Variants in UBE2E3 observed in about 807,000 individuals in gnomAD.
The protein encoded by UBE2E3 is ubiquitin conjugating enzyme E2 E3.
UBE2E3 carries 5 observed loss-of-function variants against 23.6 expected under a neutral mutation model. That is an observed-to-expected ratio of 0.21 (90% confidence interval 0.11 to 0.44). UBE2E3 has a LOEUF of 0.44. Ranked by LOEUF, UBE2E3 falls within the 20% of genes least tolerant of loss-of-function variation. The probability of loss-of-function intolerance (pLI) is 0.99; values close to 1 mark genes in which losing one functional copy is unlikely to be tolerated. For synonymous variants in UBE2E3, 78 were observed against 87.5 expected, an observed-to-expected ratio of 0.89 and a Z score of 0.60; for missense variants, 81 against 249.8, an observed-to-expected ratio of 0.32 and a Z score of 4.55.
chr2:181,003,748 A>G (rs777005533), intron 3 of UBE2E3, among the ~76,000 whole-genome samples: 2 of 152,198 alleles, frequency 1.3e-5, no homozygotes, highest in Admixed American at 6.5e-5. Flanking sequence ...TTTTCCTTAT[A>G]TGATGAATTG....
chr2:180,987,540 T>C, intron 3 of UBE2E3: 1 of 960,066 alleles, frequency 1.0e-6, no homozygotes, highest in South Asian at 2.0e-5. Flanking sequence ...AGTTTCTTGA[T>C]GTGGGAAAGG....
intron 3 of UBE2E3, among the ~76,000 whole-genome samples, chr2:180,985,120 T>C (rs1356219646): frequency 6.6e-6 from 1 of 152,180 alleles, no homozygotes; most frequent in African/African-American, 2.4e-5. Context: ...GTATGTTAAC[T>C]GGATCCTCAG....
In UBE2E3 at chr2:181,041,234, C is replaced by CAAAAA. The variant is rs1206207155; in HGVS notation, c.246-16444_246-16440dup. ...CTAACGACAGAGCAAGACTCCGTCT[C>CAAAAA]AAAAAAAAAAAAAAAAAAAGATAGA... On this transcript the variant is annotated intron_variant, in intron 3 of 5. Coordinates refer to ENST00000410062, the MANE Select transcript of UBE2E3 (RefSeq NM_006357.4). 5.6e-4 allele frequency among the ~76,000 whole-genome samples: 43 copies of CAAAAA among 77,154 alleles called. 2 individuals carry two copies. Among genetic ancestry groups the CAAAAA allele is most frequent in the Non-Finnish European group, 7.6e-4 (32 of 41,974 alleles). 50.6% of individuals were successfully genotyped at this position (77,154 alleles called of 152,430 possible).
intron 3 of UBE2E3, among the ~76,000 whole-genome samples, chr2:181,008,455 A>C (rs1201517884): frequency 6.6e-6 from 1 of 152,226 alleles, no homozygotes; most frequent in African/African-American, 2.4e-5. Context: ...GCCACACTGC[A>C]CTAGTCTTGT....
At chr2:181,050,810 G>A (rs1686819802) in intron 3 of UBE2E3, among the ~76,000 whole-genome samples, 1 of 151,868 alleles carries the variant, frequency 6.6e-6, no homozygotes, top group Non-Finnish European at 1.5e-5. Context: ...AAAGCACCTG[G>A]CAAAGAGTGG....
At chr2:181,020,939 G>A (rs182826401) in intron 3 of UBE2E3, among the ~76,000 whole-genome samples, 5 of 152,202 alleles carry the variant, frequency 3.3e-5, no homozygotes, top group Admixed American at 3.3e-4. Flanking sequence ...TAGGAAAGGG[G>A]AATTTTTATC....
chr2:180,989,354 G>T (rs1237716701), intron 3 of UBE2E3, among the ~76,000 whole-genome samples: 1 of 152,048 alleles, frequency 6.6e-6, no homozygotes, highest in Non-Finnish European at 1.5e-5. Flanking sequence ...GCATGTGAAG[G>T]TCTGTTAATA....
At chr2:181,006,111 T>C (rs2105599779) in intron 3 of UBE2E3, among the ~76,000 whole-genome samples, 1 of 152,304 alleles carries the variant, frequency 6.6e-6, no homozygotes, top group African/African-American at 2.4e-5. Context: ...TTCCAGAGTC[T>C]CTTACTCTGA....
intron 3 of UBE2E3, among the ~76,000 whole-genome samples, chr2:181,038,046 A>G (rs1686354876): frequency 6.6e-6 from 1 of 152,236 alleles, no homozygotes; most frequent in African/African-American, 2.4e-5. Flanking sequence ...TAAATTTAGT[A>G]TAGCCTAAGT....
At position 181,063,029 on chromosome 2, in the gene UBE2E3, A is replaced by G; in HGVS notation, c.*141A>G. On this transcript the variant is annotated 3_prime_UTR_variant, in exon 6 of 6. Transcript: ENST00000410062. This position sits in a 1 kb window ranked among gnomAD's most constrained non-coding sequence, Gnocchi z 4.1. ...GCTTTTATCCTTTGGAGCCTGGGAGACTCCCCAAAAAGGTAAATGCTATCA... is the reference window on the plus strand; with the variant it reads ...GCTTTTATCCTTTGGAGCCTGGGAGGCTCCCCAAAAAGGTAAATGCTATCA... The G allele has an allele frequency of 2.3e-6, 1 of 432,236 alleles. No individual in the cohort carries two copies. The highest frequency in any genetic ancestry group is 4.2e-6 in the Non-Finnish European group (1 of 239,302). The allele number at this position is 432,236 out of a possible 1,614,324, so 26.8% of individuals were successfully genotyped here.
At chr2:180,991,569 C>A (rs563877003) in intron 3 of UBE2E3, among the ~76,000 whole-genome samples, 1 of 152,236 alleles carries the variant, frequency 6.6e-6, no homozygotes, top group South Asian at 2.1e-4. Flanking sequence ...CTTGGGCCAC[C>A]TGGTGGCCAG....
intron 3 of UBE2E3, among the ~76,000 whole-genome samples, chr2:181,051,133 A>G (rs1350773618): frequency 2.6e-5 from 4 of 151,886 alleles, no homozygotes; most frequent in Non-Finnish European, 4.4e-5. Flanking sequence ...GTATGTATGC[A>G]TTCATAAACA....
chr2:181,011,388 C>CA (rs1346020253), intron 3 of UBE2E3, among the ~76,000 whole-genome samples: 1 of 151,966 alleles, frequency 6.6e-6, no homozygotes, highest in African/African-American at 2.4e-5. Flanking sequence ...GGGCCAAACT[C>CA]AGTCTTTTAT....
At chr2:181,032,649 CTT>C in intron 3 of UBE2E3, among the ~76,000 whole-genome samples, 1 of 152,252 alleles carries the variant, frequency 6.6e-6, no homozygotes, top group East Asian at 1.9e-4. Context: ...TTTACCATCT[CTT>C]TGAAACACTG....
intron 3 of UBE2E3, among the ~76,000 whole-genome samples, chr2:181,038,816 CAGT>C (rs1337431631): frequency 6.6e-6 from 1 of 152,310 alleles, no homozygotes; most frequent in South Asian, 2.1e-4. Flanking sequence ...GTATGAATAA[CAGT>C]GGTGCTTACA....
At position 181,032,219 on chromosome 2, in the gene UBE2E3, G is replaced by A. The variant is rs563077973; in HGVS notation, c.246-25474G>A. On this transcript the variant is annotated intron_variant, in intron 3 of 5. Coordinates refer to ENST00000410062, the MANE Select transcript of UBE2E3 (RefSeq NM_006357.4). ...AGTAGTGTGTTATGAAGGCTAAAGC[G>A]AACATCATTATTTCAAAGGAAAAGT... Among the ~76,000 whole-genome samples, 8 of 152,208 alleles carry A rather than the reference G, an allele frequency of 5.3e-5. No homozygotes were observed. In the South Asian group the frequency reaches 1.5e-3, roughly 28 times the overall value.
At chr2:181,032,731 T>C (rs1205145266) in intron 3 of UBE2E3, among the ~76,000 whole-genome samples, 1 of 152,200 alleles carries the variant, frequency 6.6e-6, no homozygotes, top group Non-Finnish European at 1.5e-5. Context: ...TATTCCCAAC[T>C]GATTCAGAAC....
chr2:181,060,845 A>G, intron 5 of UBE2E3, 33 bp downstream of exon 5: 1 of 1,406,474 alleles, frequency 7.1e-7, no homozygotes, highest in South Asian at 1.5e-5. Context: ...GTACAATAAG[A>G]CTACAAAAAC....
intron 3 of UBE2E3, among the ~76,000 whole-genome samples, chr2:181,024,870 A>C (rs1685829470): frequency 6.6e-6 from 1 of 152,012 alleles, no homozygotes; most frequent in South Asian, 2.1e-4. Flanking sequence ...GAACTGTAGT[A>C]ATTCAAATGT....
Sources: gnomAD v4.1 joint callset for allele counts (sites outside exome capture counted in the v4.1 genomes callset) on GRCh38, gnomAD v4.1.1 for gene constraint, Gnocchi (gnomAD v3.1) non-coding constraint, MANE v1.5 for transcripts, NCBI Gene and HGNC (gene_info 2026-07-23, HGNC 2026-07-21) for gene names.